EFNA5: variants seen among roughly 807,000 people sequenced by gnomAD.
EFNA5 encodes ephrin-A5.
Under a neutral mutation model 22.9 loss-of-function variants are expected in EFNA5, and 5 were observed. That is an observed-to-expected ratio of 0.22 (90% confidence interval 0.11 to 0.46). The LOEUF is 0.46. EFNA5 is among the 20% of genes least tolerant of loss of function. The pLI is 0.99. For missense variants in EFNA5, 237 were observed against 293.3 expected (o/e 0.81, Z 1.40); for synonymous variants, 113 against 112.2 (o/e 1.01, Z -0.04).
chr5:107,563,848 T>C (rs1368171008), intron 1 of EFNA5, among the ~76,000 whole-genome samples: 1 of 152,234 alleles, frequency 6.6e-6, no homozygotes, highest in African/African-American at 2.4e-5. Context: ...CAGTCTCACC[T>C]GACCTTAAGA....
rs896919352 is a variant in EFNA5, at chr5:107,476,251, C to T, written c.126-48742G>A. Among the ~76,000 whole-genome samples, 4 of 150,918 alleles carry T rather than the reference C, an allele frequency of 2.7e-5. No individual in the cohort carries two copies. In the East Asian group the frequency reaches 7.9e-4, roughly 30 times the overall value. ...TGTTTTTAGTAGAGATTCGGTTTCA[C>T]AATGTTGGCCAGGCTGGTCTTGAAC... On this transcript the variant is annotated intron_variant, in intron 1 of 4. Coordinates refer to ENST00000333274, the MANE Select transcript of EFNA5 (RefSeq NM_001962.3).
intron 1 of EFNA5, among the ~76,000 whole-genome samples, chr5:107,635,409 T>C (rs1366014350): frequency 1.3e-5 from 2 of 152,196 alleles, no homozygotes; most frequent in African/African-American, 4.8e-5. Context: ...ATGAAGGAAA[T>C]CTTCCCCCAG....
rs1751169919 is a variant in EFNA5 at position 107,670,472 on chromosome 5, G to A, written c.125+17C>T. On this transcript the variant is annotated intron_variant, in intron 1 of 4. Transcript: ENST00000333274. ...GAGGCCCGGGTAGCCCTGGCTCTCC[G>A]CCTGTTATCGGCTTACCTGGGGTTG... 1.3e-6 allele frequency: 2 copies of A among 1,552,214 alleles called. No individual in the cohort carries two copies. The highest frequency in any genetic ancestry group is 1.7e-6 in the Non-Finnish European group (2 of 1,147,404).
At chr5:107,429,702 T>A (rs1208843396) in intron 1 of EFNA5, among the ~76,000 whole-genome samples, 1 of 152,162 alleles carries the variant, frequency 6.6e-6, no homozygotes, top group East Asian at 1.9e-4. Context: ...TGGTGGCTGC[T>A]TCAAGCCTTA....
At chr5:107,575,113 C>T (rs775016050) in intron 1 of EFNA5, among the ~76,000 whole-genome samples, 13 of 152,080 alleles carry the variant, frequency 8.5e-5, no homozygotes, top group Non-Finnish European at 1.8e-4. Context: ...AGAATAAAAA[C>T]GGAATTTTTC....
chr5:107,500,650 T>TA (rs1254030456), intron 1 of EFNA5, among the ~76,000 whole-genome samples: 13 of 152,176 alleles, frequency 8.5e-5, no homozygotes, highest in African/African-American at 3.1e-4. Flanking sequence ...GCACACTTGT[T>TA]AGTCTTATTT....
rs553016838 is a variant in EFNA5 at position 107,579,647 on chromosome 5, T to C, written c.125+90842A>G. ...TATAGTCCTTTTCTCTCTCTCTGTC[T>C]GAATAATAGAAATGAGCAACATGAC... On this transcript the variant is annotated intron_variant, in intron 1 of 4. Coordinates refer to ENST00000333274, the MANE Select transcript of EFNA5 (RefSeq NM_001962.3). Among the ~76,000 whole-genome samples the C allele has an allele frequency of 3.3e-5, 5 of 152,300 alleles. No individual in the cohort carries two copies. The East Asian group carries it at 9.6e-4, about 29-fold the overall frequency.
intron 2 of EFNA5, among the ~76,000 whole-genome samples, chr5:107,404,014 A>G (rs1748150651): frequency 6.6e-6 from 1 of 152,248 alleles, no homozygotes; most frequent in African/African-American, 2.4e-5. Flanking sequence ...CCAGAATCAT[A>G]TAGCTTATTT....
In EFNA5 at chr5:107,380,929, A is replaced by T. The variant is rs891264763; in HGVS notation, c.*326T>A. On this transcript the variant is annotated 3_prime_UTR_variant, in exon 5 of 5. Coordinates refer to ENST00000333274, the MANE Select transcript of EFNA5 (RefSeq NM_001962.3). ...AGTGCGCTAACGGAGGTGAGTTCTT[A>T]GAGGAGAATGCACAGGAGCTGACGA... is the stretch of plus-strand genomic sequence containing the variant. 4.5e-6 allele frequency: 2 copies of T among 442,060 alleles called. No homozygotes were observed. Among genetic ancestry groups the T allele is most frequent in the African/African-American group, 3.9e-5 (2 of 51,326 alleles). 27.4% of individuals were successfully genotyped at this position (442,060 alleles called of 1,614,324 possible). A position where few individuals can be genotyped will look rare whatever the true frequency, so the allele number is the denominator to read the frequency against.
At chr5:107,638,015 T>G (rs926122042) in intron 1 of EFNA5, among the ~76,000 whole-genome samples, 5 of 92,276 alleles carry the variant, frequency 5.4e-5, no homozygotes, top group Non-Finnish European at 1.5e-4. Flanking sequence ...CCTGGCTAAT[T>G]TTTTGTATTT....
chr5:107,565,089 C>G (rs1228641511), intron 1 of EFNA5, among the ~76,000 whole-genome samples: 1 of 152,124 alleles, frequency 6.6e-6, no homozygotes, highest in East Asian at 1.9e-4. Flanking sequence ...CTAATTGGCA[C>G]CAACCAGGAA....
At chr5:107,496,751 C>T (rs1466698841) in intron 1 of EFNA5, among the ~76,000 whole-genome samples, 3 of 152,204 alleles carry the variant, frequency 2.0e-5, no homozygotes, top group African/African-American at 7.2e-5. Flanking sequence ...TGGGGAGGAA[C>T]ATCCTGGAGA....
At chr5:107,669,924 A>G (rs1016864730) in intron 1 of EFNA5, among the ~76,000 whole-genome samples, 1 of 151,688 alleles carries the variant, frequency 6.6e-6, no homozygotes, top group African/African-American at 2.4e-5. Flanking sequence ...TCGCAGTTGA[A>G]GAGGAAAATA....
intron 1 of EFNA5, among the ~76,000 whole-genome samples, chr5:107,442,173 A>C (rs1749273078): frequency 7.0e-6 from 1 of 143,844 alleles, no homozygotes; most frequent in Non-Finnish European, 1.5e-5. Flanking sequence ...GCTTGCAAAG[A>C]GATGGCCTTT....
chr5:107,437,289 C>T lies in EFNA5; in HGVS notation c.126-9780G>A, dbSNP rs188994409. ...TGATAATAATAATAATGTTTTCATACAAAACTGTAGACAATAAAGCAGAAA... is the reference window on the plus strand; with the variant it reads ...TGATAATAATAATAATGTTTTCATATAAAACTGTAGACAATAAAGCAGAAA... On this transcript the variant is annotated intron_variant, in intron 1 of 4. Coordinates refer to ENST00000333274, the MANE Select transcript of EFNA5 (RefSeq NM_001962.3). Among the ~76,000 whole-genome samples, 24 of 152,246 alleles carry T rather than the reference C, an allele frequency of 1.6e-4. No homozygotes were observed. In the East Asian group the frequency reaches 4.6e-3, roughly 29 times the overall value.
chr5:107,601,291 A>G (rs960998769), intron 1 of EFNA5, among the ~76,000 whole-genome samples: 15 of 152,204 alleles, frequency 9.9e-5, no homozygotes, highest in African/African-American at 3.6e-4. Context: ...CTCAGCTCCT[A>G]TGTCAGCTGG....
chr5:107,602,666 T>G (rs1459561295), intron 1 of EFNA5, among the ~76,000 whole-genome samples: 2 of 152,150 alleles, frequency 1.3e-5, no homozygotes, highest in Non-Finnish European at 2.9e-5. Context: ...TAATTTGACT[T>G]AATTACATGG....
At chr5:107,620,941 TGGA>T (rs1750020817) in intron 1 of EFNA5, among the ~76,000 whole-genome samples, 6 of 152,162 alleles carry the variant, frequency 3.9e-5, no homozygotes, top group African/African-American at 1.4e-4. Context: ...AATCCATATT[TGGA>T]TCATCACGTG....
chr5:107,455,857 C>A (rs893470700), intron 1 of EFNA5, among the ~76,000 whole-genome samples: 1 of 152,072 alleles, frequency 6.6e-6, no homozygotes, highest in African/African-American at 2.4e-5. Flanking sequence ...AAAACTAACA[C>A]TTTGGTCCAG....
Sources: allele counts gnomAD v4.1 joint callset (sites outside exome capture counted in the v4.1 genomes callset), GRCh38; gene constraint gnomAD v4.1.1; transcripts MANE v1.5; gene names NCBI Gene and HGNC (gene_info 2026-07-23, HGNC 2026-07-21).